Variants in STAT4 observed in about 807,000 individuals in gnomAD.
STAT4 encodes signal transducer and activator of transcription 4.
A neutral mutation model predicts 110.5 loss-of-function variants in STAT4; 42 were observed. The ratio of observed to expected loss-of-function variants is 0.38; its 90% CI spans 0.30 to 0.49. STAT4 has a LOEUF of 0.49. Among genes scored for constraint, STAT4 ranks in the 20% least tolerant of loss-of-function variants. The pLI, the probability that STAT4 is intolerant of heterozygous loss-of-function variation, is 0.95. For synonymous variants in STAT4, 284 were observed against 302.2 expected, an observed-to-expected ratio of 0.94 and a Z score of 0.63; for missense variants, 632 against 887.9, an observed-to-expected ratio of 0.71 and a Z score of 3.66.
Position 191,061,682 on chromosome 2 carries a change from C to G in STAT4, c.1034+47G>C. ...GAAATTGGCCTTGATCATCCAGAGA[C>G]TATAGCTCCACAAACACACGAAATA... On this transcript the variant is annotated intron_variant, in intron 10 of 23. Coordinates refer to ENST00000392320, the MANE Select transcript of STAT4 (RefSeq NM_003151.4). This position sits in a 1 kb window ranked among gnomAD's most constrained non-coding sequence, Gnocchi z 6.2. The G allele has an allele frequency of 6.4e-7, 1 of 1,560,352 alleles. No homozygotes were observed. Among genetic ancestry groups the G allele is most frequent in the Non-Finnish European group, 8.8e-7 (1 of 1,131,192 alleles).
Position 191,031,149 on chromosome 2 carries a change from T to C in STAT4, c.2112-69A>G. 2 of 1,477,076 alleles carry C rather than the reference T, an allele frequency of 1.4e-6. No homozygotes were observed. The highest frequency in any genetic ancestry group is 1.9e-6 in the Non-Finnish European group (2 of 1,060,102). 91.5% of individuals were successfully genotyped at this position (1,477,076 alleles called of 1,614,324 possible). ...AATAATAGTTCACGGTGACTTACTA[T>C]GTCAGGAACTCATTTCTAGGGCTTC... On this transcript the variant is annotated intron_variant, in intron 22 of 23. Transcript: ENST00000392320. The surrounding 1 kb of genome is among the most constrained non-coding windows in gnomAD (Gnocchi z 4.8).
rs1018200439 is a variant in STAT4 at position 191,063,360 on chromosome 2, A to G, written c.783-440T>C. Among the ~76,000 whole-genome samples the G allele has an allele frequency of 2.6e-5, 4 of 152,362 alleles. No individual in the cohort carries two copies. The East Asian group carries it at 7.7e-4, about 29-fold the overall frequency. On this transcript the variant is annotated intron_variant, in intron 8 of 23. Transcript: ENST00000392320. ...AGCATACTGAAAGAAAAACATATGT[A>G]ACCGATCTTCCCACACAATATATAT...
In STAT4 at chr2:191,059,785, G is replaced by C. The variant is rs926592816; in HGVS notation, c.1035-1016C>G. ...AGGCTCTTTAAAAGTCCTGTACAAG[G>C]CACAAGATTGGTTCAGGATCTGGAG... On this transcript the variant is annotated intron_variant, in intron 10 of 23. Coordinates refer to ENST00000392320, the MANE Select transcript of STAT4 (RefSeq NM_003151.4). The surrounding 1 kb of genome is among the most constrained non-coding windows in gnomAD (Gnocchi z 4.7). Among the ~76,000 whole-genome samples, 2 of 152,192 alleles carry C rather than the reference G, an allele frequency of 1.3e-5. No homozygotes were observed. The highest frequency in any genetic ancestry group is 4.8e-5 in the African/African-American group (2 of 41,444).
rs1290616033 is a variant in STAT4, at chr2:191,116,207, T to C, written c.273+30406A>G. Among the ~76,000 whole-genome samples, 1 of 152,214 alleles carries C rather than the reference T, an allele frequency of 6.6e-6. No homozygotes were observed. The highest frequency in any genetic ancestry group is 1.5e-5 in the Non-Finnish European group (1 of 68,032). On this transcript the variant is annotated intron_variant, in intron 3 of 23. Coordinates refer to ENST00000392320, the MANE Select transcript of STAT4 (RefSeq NM_003151.4). The surrounding 1 kb of genome is among the most constrained non-coding windows in gnomAD (Gnocchi z 4.1). ...GCTAAGATCACATATGTACCCTTTG[T>C]TCACTGATGCTGACAAGAGGGAATT... is the stretch of plus-strand genomic sequence containing the variant.
intron 3 of STAT4, among the ~76,000 whole-genome samples, chr2:191,124,453 C>CAAAAAA (rs34438452): frequency 2.8e-5 from 2 of 71,220 alleles, no homozygotes; most frequent in Admixed American, 1.6e-4. Flanking sequence ...GACGCCGTCT[C>CAAAAAA]AAAAAAAAAA....
rs768961668 is a variant in STAT4, at chr2:191,117,752, C to T, written c.273+28861G>A. The stretch of plus-strand genomic sequence containing the variant: ...AAATCCACCATTGCTTATTTTTCTT[C>T]CGATGCCTGGATGCATCCCTCCTTT... On this transcript the variant is annotated intron_variant, in intron 3 of 23. Transcript: ENST00000392320. This position sits in a 1 kb window ranked among gnomAD's most constrained non-coding sequence, Gnocchi z 5.2. Among the ~76,000 whole-genome samples, 12 of 152,142 alleles carry T rather than the reference C, an allele frequency of 7.9e-5. No individual in the cohort carries two copies. The highest frequency in any genetic ancestry group is 1.8e-4 in the Non-Finnish European group (12 of 68,022).
Position 191,033,659 on chromosome 2 carries a change from C to A in STAT4, c.1716-33G>T. ...TAGAACATGCATTATTTCATCTGAT[C>A]ATTATTGGATTTTCACTTATTGCAT... On this transcript the variant is annotated intron_variant, in intron 19 of 23. Coordinates refer to ENST00000392320, the MANE Select transcript of STAT4 (RefSeq NM_003151.4). The surrounding 1 kb of genome is among the most constrained non-coding windows in gnomAD (Gnocchi z 6.9). 6.2e-7 allele frequency: 1 copy of A among 1,601,756 alleles called. No homozygotes were observed. The highest frequency in any genetic ancestry group is 8.5e-7 in the Non-Finnish European group (1 of 1,175,450).
chr2:191,046,651 C>A lies in STAT4; in HGVS notation c.1252-5503G>T, dbSNP rs182350152. ...TGGAGGATGGTTGAAGGAAAACTTT[C>A]GGAGTGAGGTGCTATGATATTGTGA... On this transcript the variant is annotated intron_variant, in intron 14 of 23. Transcript: ENST00000392320. This position sits in a 1 kb window ranked among gnomAD's most constrained non-coding sequence, Gnocchi z 4.6. Among the ~76,000 whole-genome samples the A allele has an allele frequency of 2.6e-5, 4 of 152,132 alleles. No individual in the cohort carries two copies. The highest frequency in any genetic ancestry group is 4.4e-5 in the Non-Finnish European group (3 of 68,018).
chr2:191,126,150 C>G (rs1044590698), intron 3 of STAT4, among the ~76,000 whole-genome samples: 7 of 152,118 alleles, frequency 4.6e-5, no homozygotes, highest in Non-Finnish European at 8.8e-5. Flanking sequence ...TCAAGCAGAT[C>G]TATTTATTTT....
Position 191,116,983 on chromosome 2 carries a change from C to G in STAT4, c.273+29630G>C, listed in dbSNP as rs752433633. ...ATATACGTGAGATCTCCATGTGATT[C>G]TTTTTGCATTACTTTGAGCAGAGTC... On this transcript the variant is annotated intron_variant, in intron 3 of 23. Coordinates refer to ENST00000392320, the MANE Select transcript of STAT4 (RefSeq NM_003151.4). The surrounding 1 kb of genome is among the most constrained non-coding windows in gnomAD (Gnocchi z 4.1). Among the ~76,000 whole-genome samples the G allele has an allele frequency of 2.0e-5, 3 of 152,146 alleles. No individual in the cohort carries two copies. The highest frequency in any genetic ancestry group is 4.8e-5 in the African/African-American group (2 of 41,432).
At chr2:191,055,953 C>CAAA (rs1696679422) in intron 13 of STAT4, among the ~76,000 whole-genome samples, 1 of 151,952 alleles carries the variant, frequency 6.6e-6, no homozygotes, top group African/African-American at 2.4e-5. Context: ...TTGAGCCTAA[C>CAAA]AAAAAAGAGT....
rs1049501798 is a variant in STAT4 at position 191,046,239 on chromosome 2, C to T, written c.1252-5091G>A. On this transcript the variant is annotated intron_variant, in intron 14 of 23. Coordinates refer to ENST00000392320, the MANE Select transcript of STAT4 (RefSeq NM_003151.4). The surrounding 1 kb of genome is among the most constrained non-coding windows in gnomAD (Gnocchi z 4.6). ...ATTTAACCATTATCAATCAAGTTAA[C>T]AAACTGTTAACATATGTTCTAGCCT... 2.6e-5 allele frequency among the ~76,000 whole-genome samples: 4 copies of T among 152,204 alleles called. No individual in the cohort carries two copies. The highest frequency in any genetic ancestry group is 1.3e-4 in the Admixed American group (2 of 15,282).
intron 4 of STAT4, 29 bp from the exon 5 acceptor site, chr2:191,073,219 T>C (rs1402964104): frequency 1.9e-6 from 3 of 1,602,678 alleles, no homozygotes; most frequent in African/African-American, 1.3e-5. Context: ...GAAATCTCTC[T>C]GGTTTTGAAA....
chr2:191,114,800 G>A (rs761040074), intron 3 of STAT4, among the ~76,000 whole-genome samples: 6 of 152,138 alleles, frequency 3.9e-5, no homozygotes, highest in African/African-American at 9.7e-5. Context: ...AATTACAAAC[G>A]TTGAAGAGGA....
rs1459485036 is a variant in STAT4, at chr2:191,142,129, A to G, written c.273+4484T>C. Reference sequence around the variant, plus strand: ...AAGAGATGCCTGCACTTGCATGTTTATTGCAGGACTATTCACAATAACAAA... The same window carrying G: ...AAGAGATGCCTGCACTTGCATGTTTGTTGCAGGACTATTCACAATAACAAA... On this transcript the variant is annotated intron_variant, in intron 3 of 23. Transcript: ENST00000392320. This position sits in a 1 kb window ranked among gnomAD's most constrained non-coding sequence, Gnocchi z 4.1. Among the ~76,000 whole-genome samples the G allele has an allele frequency of 2.6e-5, 4 of 152,186 alleles. No individual in the cohort carries two copies. The highest frequency in any genetic ancestry group is 5.9e-5 in the Non-Finnish European group (4 of 68,040).
In STAT4 at chr2:191,104,864, A is replaced by G. The variant is rs1256879278; in HGVS notation, c.274-28539T>C. On this transcript the variant is annotated intron_variant, in intron 3 of 23. Coordinates refer to ENST00000392320, the MANE Select transcript of STAT4 (RefSeq NM_003151.4). This position sits in a 1 kb window ranked among gnomAD's most constrained non-coding sequence, Gnocchi z 4.3. ...TAAGACTGAGACCACCTGGTGCTTG[A>G]GCAGAAAAAAGTCCCAATGGCCCAT... Among the ~76,000 whole-genome samples, 1 of 152,136 alleles carries G rather than the reference A, an allele frequency of 6.6e-6. No homozygotes were observed. Among genetic ancestry groups the G allele is most frequent in the Admixed American group, 6.6e-5 (1 of 15,258 alleles).
rs943012458 is a variant in STAT4 at position 191,095,571 on chromosome 2, C to A, written c.274-19246G>T. ...AGATGTTCTTTGAAACCAATGAGAA[C>A]AAAGACACAACATACCAGAATCTCT... On this transcript the variant is annotated intron_variant, in intron 3 of 23. Coordinates refer to ENST00000392320, the MANE Select transcript of STAT4 (RefSeq NM_003151.4). Among the ~76,000 whole-genome samples the A allele has an allele frequency of 7.2e-5, 11 of 152,094 alleles. No homozygotes were observed. In the East Asian group the frequency reaches 1.9e-3, roughly 27 times the overall value.
Position 191,138,723 on chromosome 2 carries a change from T to C in STAT4, c.273+7890A>G, listed in dbSNP as rs186317942. Among the ~76,000 whole-genome samples the C allele has an allele frequency of 2.0e-5, 3 of 152,196 alleles. No homozygotes were observed. Among genetic ancestry groups the C allele is most frequent in the Admixed American group, 6.5e-5 (1 of 15,296 alleles). On this transcript the variant is annotated intron_variant, in intron 3 of 23. Transcript: ENST00000392320. This position sits in a 1 kb window ranked among gnomAD's most constrained non-coding sequence, Gnocchi z 4.3. ...GTCCCACTGAAACTATTGCAAAAGA[T>C]AGTGAAAGAGGGAATTCTCTCTAAA...
rs1362174739 is a variant in STAT4, at chr2:191,147,720, A to G, written c.128+356T>C. On this transcript the variant is annotated intron_variant, in intron 2 of 23. Transcript: ENST00000392320. This position sits in a 1 kb window ranked among gnomAD's most constrained non-coding sequence, Gnocchi z 4.1. The stretch of plus-strand genomic sequence containing the variant: ...AAAAAAATTAAATGGTATAAGGTGA[A>G]TAGAGCTTTGAAGAGTATAAATCTT... Among the ~76,000 whole-genome samples the G allele has an allele frequency of 6.6e-6, 1 of 152,214 alleles. No individual in the cohort carries two copies. The highest frequency in any genetic ancestry group is 2.4e-5 in the African/African-American group (1 of 41,450).
Sources: allele counts gnomAD v4.1 joint callset (sites outside exome capture counted in the v4.1 genomes callset), GRCh38; gene constraint gnomAD v4.1.1; non-coding constraint Gnocchi (gnomAD v3.1); transcripts MANE v1.5; gene names NCBI Gene and HGNC (gene_info 2026-07-23, HGNC 2026-07-21).